Variants in LRP1B observed in about 807,000 individuals in gnomAD.
LRP1B encodes the protein low-density lipoprotein receptor-related protein 1B.
A neutral mutation model predicts 556.6 loss-of-function variants in LRP1B; 217 were observed. That is an observed-to-expected ratio of 0.39 (90% CI 0.35 to 0.44). The LOEUF is 0.44. Among genes scored for constraint, LRP1B ranks in the 20% least tolerant of loss-of-function variants. The probability of loss-of-function intolerance (pLI) is 1.00; values close to 1 mark genes in which losing one functional copy is unlikely to be tolerated. For synonymous variants in LRP1B, 2,047 were observed against 1,865.8 expected (o/e 1.10, Z -2.50); for missense variants, 5,053 against 5,620.8 (o/e 0.90, Z 3.23).
chr2:140,548,665 G>A (rs1469033662), intron 43 of LRP1B, among the ~76,000 whole-genome samples: 2 of 152,086 alleles, frequency 1.3e-5, no homozygotes, highest in Non-Finnish European at 2.9e-5. Flanking sequence ...GCTCATGCCT[G>A]TAATCCAAGC....
chr2:140,986,694 G>A (rs545698735), intron 17 of LRP1B, among the ~76,000 whole-genome samples: 1 of 152,190 alleles, frequency 6.6e-6, no homozygotes, highest in South Asian at 2.1e-4. Flanking sequence ...TTAGCAATTT[G>A]AATATTGCAT....
chr2:140,959,641 A>T (rs992027213), intron 18 of LRP1B, among the ~76,000 whole-genome samples: 5 of 151,748 alleles, frequency 3.3e-5, no homozygotes, highest in Non-Finnish European at 5.9e-5. Context: ...TTTATCTATA[A>T]TTTATATTAA....
intron 1 of LRP1B, among the ~76,000 whole-genome samples, chr2:141,934,873 G>A (rs1700593049): frequency 6.6e-6 from 1 of 152,122 alleles, no homozygotes; most frequent in African/African-American, 2.4e-5. Flanking sequence ...AAGTTACCCA[G>A]TCTTGGGTAT....
chr2:140,264,012 TG>T (rs1314477150), intron 86 of LRP1B, among the ~76,000 whole-genome samples: 1 of 152,036 alleles, frequency 6.6e-6, no homozygotes, highest in Non-Finnish European at 1.5e-5. Flanking sequence ...GGCTGGAAAT[TG>T]GGGATTGAGG....
chr2:141,805,845 G>T (rs370593768), intron 2 of LRP1B: 4 of 152,196 alleles, frequency 2.6e-5, no homozygotes, highest in East Asian at 3.9e-4. Flanking sequence ...TACAGAAAAA[G>T]CATGCTGACC....
intron 2 of LRP1B, among the ~76,000 whole-genome samples, chr2:141,743,179 T>C (rs1024736246): frequency 6.6e-6 from 1 of 152,156 alleles, no homozygotes; most frequent in African/African-American, 2.4e-5. Flanking sequence ...GTTTCAACAT[T>C]AATTGAAATA....
At chr2:141,160,027 A>G (rs948464823) in intron 7 of LRP1B, among the ~76,000 whole-genome samples, 1 of 152,084 alleles carries the variant, frequency 6.6e-6, no homozygotes, top group African/African-American at 2.4e-5. Flanking sequence ...CTTAGAGGGC[A>G]GGTCAATAGG....
intron 1 of LRP1B, among the ~76,000 whole-genome samples, chr2:141,998,851 A>T (rs1402860144): frequency 1.3e-5 from 2 of 152,316 alleles, no homozygotes; most frequent in East Asian, 1.9e-4. Context: ...CCAACGTTTT[A>T]TCATACAGAT....
intron 3 of LRP1B, among the ~76,000 whole-genome samples, chr2:141,312,179 C>T (rs1245436843): frequency 2.6e-5 from 4 of 152,116 alleles, no homozygotes; most frequent in African/African-American, 9.7e-5. Context: ...TCCTTTTCTA[C>T]CTCCTCCACC....
At chr2:140,418,881 C>T (rs535970529) in intron 66 of LRP1B, among the ~76,000 whole-genome samples, 7 of 152,102 alleles carry the variant, frequency 4.6e-5, no homozygotes, top group Admixed American at 1.3e-4. Flanking sequence ...AACTGGTCTC[C>T]GGTGCCGAAA....
chr2:141,095,833 T>G (rs1423016905), intron 7 of LRP1B, among the ~76,000 whole-genome samples: 1 of 152,010 alleles, frequency 6.6e-6, no homozygotes, highest in African/African-American at 2.4e-5. Context: ...GGTTCCCTCC[T>G]CCATCTGATA....
At chr2:140,540,206 G>A (rs1259696432) in intron 45 of LRP1B, among the ~76,000 whole-genome samples, 1 of 152,070 alleles carries the variant, frequency 6.6e-6, no homozygotes, top group African/African-American at 2.4e-5. Flanking sequence ...TAGGTGAGGA[G>A]AGACAAAAAA....
At chr2:141,732,782 T>C (rs1182129127) in intron 2 of LRP1B, among the ~76,000 whole-genome samples, 2 of 152,150 alleles carry the variant, frequency 1.3e-5, no homozygotes, top group Non-Finnish European at 2.9e-5. Context: ...GTAGCAGAAA[T>C]GTATAAAATC....
intron 67 of LRP1B, among the ~76,000 whole-genome samples, chr2:140,380,024 T>C (rs1212835970): frequency 6.6e-6 from 1 of 152,200 alleles, no homozygotes; most frequent in Non-Finnish European, 1.5e-5. Context: ...ATAATTACCA[T>C]CTACCGATTG....
intron 86 of LRP1B, among the ~76,000 whole-genome samples, chr2:140,262,738 TC>T (rs1682005647): frequency 1.3e-5 from 2 of 152,060 alleles, no homozygotes; most frequent in Non-Finnish European, 1.5e-5. Flanking sequence ...CTCCTCACTC[TC>T]CTCTACTATG....
At chr2:141,709,008 T>C (rs1285597381) in intron 2 of LRP1B, among the ~76,000 whole-genome samples, 1 of 152,110 alleles carries the variant, frequency 6.6e-6, no homozygotes, top group African/African-American at 2.4e-5. Flanking sequence ...CCTTAGCAAA[T>C]TAATACATTA....
At chr2:140,361,341 CATATATATATATATAT>C (rs67208978) in intron 72 of LRP1B, among the ~76,000 whole-genome samples, 352 of 30,730 alleles carry the variant, frequency 0.011, 24 homozygotes, top group African/African-American at 0.021. Context: ...ACTTGGAAAG[CATATATATATATATAT>C]ATATATATAT....
At chr2:140,857,246 C>G (rs955792627) in intron 27 of LRP1B, among the ~76,000 whole-genome samples, 2 of 152,102 alleles carry the variant, frequency 1.3e-5, no homozygotes, top group Non-Finnish European at 2.9e-5. Context: ...ATGCCAGGAT[C>G]CAATTTGTTA....
rs372003318 is a variant in LRP1B, at chr2:141,965,603, G to C, written c.83-155202C>G. Among the ~76,000 whole-genome samples the C allele has an allele frequency of 9.3e-4, 87 of 93,988 alleles. 1 individual carries two copies. In the East Asian group the frequency reaches 0.023, roughly 25 times the overall value. The allele number at this position is 93,988 out of a possible 152,430, so 61.7% of individuals were successfully genotyped here. A position where few individuals can be genotyped will look rare whatever the true frequency, so the allele number is the denominator to read the frequency against. On this transcript the variant is annotated intron_variant, in intron 1 of 90. Coordinates refer to ENST00000389484, the MANE Select transcript of LRP1B (RefSeq NM_018557.3). Reference sequence around the variant, plus strand: ...ACACTCTGGGGACTGTGGTGGGGAGGGGGGAGGGGGGAGGGATAGCATTGG... The same window carrying C: ...ACACTCTGGGGACTGTGGTGGGGAGCGGGGAGGGGGGAGGGATAGCATTGG...
Sources: allele counts gnomAD v4.1 joint callset (sites outside exome capture counted in the v4.1 genomes callset), GRCh38; gene constraint gnomAD v4.1.1; transcripts MANE v1.5; gene names NCBI Gene and HGNC (gene_info 2026-07-23, HGNC 2026-07-21).